IFT140: variants seen among roughly 807,000 people sequenced by gnomAD.
The protein encoded by IFT140 is intraflagellar transport protein 140 homolog.
IFT140 carries 133 observed loss-of-function variants against 164.6 expected under a neutral mutation model. The observed-to-expected ratio is 0.81, with a 90% confidence interval of 0.70 to 0.93. IFT140 has a LOEUF of 0.93. Ranked by LOEUF, IFT140 falls within the 40% of genes least tolerant of loss-of-function variation. The probability of loss-of-function intolerance (pLI) is 0.00; values close to 1 mark genes in which losing one functional copy is unlikely to be tolerated. For synonymous variants in IFT140, 860 were observed against 817.3 expected (o/e 1.05, Z -0.89); for missense variants, 2,045 against 1,972.3 (o/e 1.04, Z -0.70).
At chr16:1,552,875 G>C (rs2032779587) in intron 19 of IFT140, 1 of 682,536 alleles carries the variant, frequency 1.5e-6, no homozygotes, top group Non-Finnish European at 1.8e-6. Flanking sequence ...GGCTGGTCTT[G>C]AACTCGTGAC....
In IFT140 at chr16:1,524,538, C is replaced by T. The variant is rs372698828; in HGVS notation, c.3141+14G>A. 213 of 1,610,970 alleles carry T rather than the reference C, an allele frequency of 1.3e-4. No individual in the cohort carries two copies. In the Admixed American group the frequency reaches 2.1e-3, roughly 16 times the overall value. ...CTCGAGAAGCGCCGGCTCCCCACCC[C>T]GGGCCCGTGGTACCTTGCACAGGCG... On this transcript the variant is annotated intron_variant, in intron 24 of 30. Coordinates refer to ENST00000426508, the MANE Select transcript of IFT140 (RefSeq NM_014714.4).
At chr16:1,600,228 C>T (rs1204786178) in intron 4 of IFT140, among the ~76,000 whole-genome samples, 1 of 145,218 alleles carries the variant, frequency 6.9e-6, no homozygotes, top group Non-Finnish European at 1.5e-5. Flanking sequence ...GCAAGATGTG[C>T]TTTGTTAAAC....
intron 4 of IFT140, among the ~76,000 whole-genome samples, chr16:1,599,753 C>T (rs1379065860): frequency 1.5e-5 from 1 of 67,734 alleles, no homozygotes; most frequent in Non-Finnish European, 2.7e-5. Context: ...CTCTGCCCGG[C>T]CAGCCGCCCC....
At position 1,511,024 on chromosome 16, in the gene IFT140, CG is replaced by C. The variant is rs1567312933; in HGVS notation, c.4308del (p.Glu1437SerfsTer101). 6.2e-7 allele frequency: 1 copy of C among 1,606,240 alleles called. No homozygotes were observed. Among genetic ancestry groups the C allele is most frequent in the Non-Finnish European group, 8.5e-7 (1 of 1,175,968 alleles). On this transcript the variant is annotated frameshift_variant, in exon 31 of 31. Transcript: ENST00000426508. LOFTEE classifies it low-confidence loss of function (END_TRUNC). ...TCCATGCTGTTGTGGCGGACCTGCT[CG>C]GGGACGGTGCGTGGCAGTGGGAGAC... ...GLGLPLPRTVPEQVRHNSMED... is the reference protein window; with the variant it reads ...GLGLPLPRTVXEQVRHNSMED...
chr16:1,539,065 C>A (rs1371381802), intron 19 of IFT140, among the ~76,000 whole-genome samples: 1 of 151,052 alleles, frequency 6.6e-6, no homozygotes, highest in Non-Finnish European at 1.5e-5. Flanking sequence ...ACGCCTCAGG[C>A]CTCAGCAAGC....
intron 19 of IFT140, among the ~76,000 whole-genome samples, chr16:1,549,734 T>C (rs1418902180): frequency 1.3e-5 from 2 of 152,098 alleles, no homozygotes; most frequent in African/African-American, 4.8e-5. Flanking sequence ...GCCTGGCCAC[T>C]TGTTGCTAGA....
Position 1,562,111 on chromosome 16 carries a change from A to T in IFT140, c.2073T>A (p.Asp691Glu). 1 of 1,597,768 alleles carries T rather than the reference A, an allele frequency of 6.3e-7. No homozygotes were observed. The highest frequency in any genetic ancestry group is 8.5e-7 in the Non-Finnish European group (1 of 1,173,146). Residue 691 changes from aspartate to glutamate, a missense_variant, in exon 18 of 31, where the codon GAT becomes GAA. Physicochemically the swap from Asp to Glu is conservative, Grantham distance 45. Transcript: ENST00000426508. ...PQDGRAGPAADVLILSFFISE... is the reference protein window; with the variant it reads ...PQDGRAGPAAEVLILSFFISE... ...AAATGAAGAAGGACAGGATCAAAAC[A>T]TCTGCCTGGGAGAGAAAGAAAAGTA...
intron 13 of IFT140, among the ~76,000 whole-genome samples, chr16:1,578,653 G>A (rs2034396728): frequency 6.6e-6 from 1 of 151,974 alleles, no homozygotes. Context: ...AGGCAAAGGT[G>A]GGTGGATCAC....
rs2034748123 is a variant in IFT140 at position 1,584,316 on chromosome 16, C to T, written c.1260G>A (p.Met420Ile). The change falls in exon 11 of 31, where the codon ATG becomes ATA. Residue 420 changes from methionine to isoleucine, a missense_variant. Transcript: ENST00000426508. The part of the protein sequence containing the change: ...SSHFHQQVAA[M>I]QVSPSLLNVC... ...CATTCAGCAGACTCGGGGAGACCTGCATGGCGGCCACTTGCTGGTGGAAGT... is the reference window on the plus strand; with the variant it reads ...CATTCAGCAGACTCGGGGAGACCTGTATGGCGGCCACTTGCTGGTGGAAGT... 1.9e-6 allele frequency: 3 copies of T among 1,613,612 alleles called. No homozygotes were observed. Among genetic ancestry groups the T allele is most frequent in the Non-Finnish European group, 2.5e-6 (3 of 1,179,990 alleles).
In IFT140 at chr16:1,583,375, T is replaced by C. The variant is rs995975079; in HGVS notation, c.1371A>G (p.Ala457=). 1.9e-6 allele frequency: 3 copies of C among 1,614,082 alleles called. No individual in the cohort carries two copies. Among genetic ancestry groups the C allele is most frequent in the East Asian group, 4.5e-5 (2 of 44,872 alleles). Residue 457 remains alanine (A), a synonymous_variant, in exon 12 of 31, where the codon GCA becomes GCG. Coordinates refer to ENST00000426508, the MANE Select transcript of IFT140 (RefSeq NM_014714.4). ...TCGCCACCTGCCTTCCGTTCCAGACTGCGACAGCATCCTGAAAAGAACCAC... is the reference window on the plus strand; with the variant it reads ...TCGCCACCTGCCTTCCGTTCCAGACCGCGACAGCATCCTGAAAAGAACCAC... ...SGVFATKDAV[A]VWNGRQVAIF...
At chr16:1,529,503 G>C (rs1044654219) in intron 19 of IFT140, among the ~76,000 whole-genome samples, 3 of 152,226 alleles carry the variant, frequency 2.0e-5, no homozygotes, top group Non-Finnish European at 4.4e-5. Flanking sequence ...TGCCCCAGGC[G>C]CAGCGTCCTG....
chr16:1,537,143 C>G (rs532043036), intron 19 of IFT140, among the ~76,000 whole-genome samples: 1 of 152,340 alleles, frequency 6.6e-6, no homozygotes, highest in East Asian at 1.9e-4. Flanking sequence ...GGTTTGCTCA[C>G]AATTCCATCC....
chr16:1,597,963 C>T (rs2141984971), intron 4 of IFT140, among the ~76,000 whole-genome samples: 1 of 152,266 alleles, frequency 6.6e-6, no homozygotes, highest in South Asian at 2.1e-4. Flanking sequence ...TTACAAAAGT[C>T]AATGATCCTG....
At position 1,602,724 on chromosome 16, in the gene IFT140, A is replaced by G. The variant is rs1371556301; in HGVS notation, c.148-133T>C. On this transcript the variant is annotated intron_variant, in intron 3 of 30. Coordinates refer to ENST00000426508, the MANE Select transcript of IFT140 (RefSeq NM_014714.4). ...TGGGAGGCTGAGGTGGGTGGATCAC[A>G]AAGTCAGGAGTTCGAGACCAGCTGG... 3 of 782,994 alleles carry G rather than the reference A, an allele frequency of 3.8e-6. No individual in the cohort carries two copies. In the African/African-American group the frequency reaches 5.1e-5, roughly 13 times the overall value. 48.5% of individuals were successfully genotyped at this position (782,994 alleles called of 1,614,324 possible). A position where few individuals can be genotyped will look rare whatever the true frequency, so the allele number is the denominator to read the frequency against.
rs1426257802 is a variant in IFT140, at chr16:1,541,844, CGAAA to C, written c.2400-15052_2400-15049del. On this transcript the variant is annotated intron_variant, in intron 19 of 30. Transcript: ENST00000426508. ...CCCTTTCCGAGGCAAACAGAGACCA[CGAAA>C]GTGGCGTGACGGCTGGCGTGGCCTC... 4.8e-6 allele frequency: 7 copies of C among 1,471,988 alleles called. No homozygotes were observed. In the South Asian group the frequency reaches 9.5e-5, roughly 20 times the overall value. 91.2% of individuals were successfully genotyped at this position (1,471,988 alleles called of 1,614,324 possible).
At chr16:1,541,407 G>C (rs1157126940) in intron 19 of IFT140, 1 of 985,254 alleles carries the variant, frequency 1.0e-6, no homozygotes, top group African/African-American at 1.7e-5. Context: ...TGGGAGGAGG[G>C]AACACCACCA....
intron 30 of IFT140, among the ~76,000 whole-genome samples, chr16:1,513,669 T>G (rs1420439766): frequency 1.1e-5 from 1 of 87,564 alleles, no homozygotes; most frequent in Non-Finnish European, 2.2e-5. Flanking sequence ...TCTCACAACT[T>G]TCTTTTTTTT....
chr16:1,559,206 G>C (rs947056042), intron 18 of IFT140, among the ~76,000 whole-genome samples: 1 of 152,198 alleles, frequency 6.6e-6, no homozygotes. Context: ...AAACGTACAC[G>C]CACAAAAACA....
intron 3 of IFT140, among the ~76,000 whole-genome samples, 168 bp from the exon 4 acceptor site, chr16:1,602,759 G>C (rs1042215121): frequency 6.6e-6 from 1 of 152,168 alleles, no homozygotes; most frequent in Non-Finnish European, 1.5e-5. Flanking sequence ...GGCCAATTTG[G>C]TGAAACTCCG....
Sources: gnomAD v4.1 joint callset for allele counts (sites outside exome capture counted in the v4.1 genomes callset) on GRCh38, gnomAD v4.1.1 for gene constraint, MANE v1.5 for transcripts, NCBI Gene and HGNC (gene_info 2026-07-23, HGNC 2026-07-21) for gene names.